ANKFN1: variants seen among roughly 807,000 people sequenced by gnomAD.
ANKFN1 encodes ankyrin repeat and fibronectin type-III domain-containing protein 1.
A neutral mutation model predicts 108.7 loss-of-function variants in ANKFN1; 74 were observed. The ratio of observed to expected loss-of-function variants is 0.68; its 90% CI spans 0.56 to 0.83. The LOEUF is 0.83. Ranked by LOEUF, ANKFN1 falls within the 40% of genes least tolerant of loss-of-function variation. The probability of loss-of-function intolerance (pLI) is 0.00; values close to 1 mark genes in which losing one functional copy is unlikely to be tolerated. For missense variants in ANKFN1, 1,505 were observed against 1,382.3 expected (o/e 1.09, Z -1.41); for synonymous variants, 547 against 516.2 (o/e 1.06, Z -0.81).
At chr17:56,227,626 T>C (rs553624072) in intron 2 of ANKFN1, among the ~76,000 whole-genome samples, 12 of 152,176 alleles carry the variant, frequency 7.9e-5, no homozygotes, top group Admixed American at 4.6e-4. Context: ...GTCTCCAAGA[T>C]TGGACCTGGG....
At chr17:56,458,053 C>T in intron 14 of ANKFN1, 74 bp downstream of exon 14, 1 of 1,256,704 alleles carries the variant, frequency 8.0e-7, no homozygotes, top group East Asian at 2.5e-5. Flanking sequence ...ACCAGTCCTA[C>T]CTAGAAAGGA....
intron 7 of ANKFN1, 131 bp downstream of exon 7, chr17:56,372,971 C>T: frequency 1.1e-6 from 1 of 922,994 alleles, no homozygotes; most frequent in Non-Finnish European, 1.6e-6. Context: ...CTGTATGGAG[C>T]AAGGGCTCTG....
intron 8 of ANKFN1, among the ~76,000 whole-genome samples, chr17:56,433,866 T>C (rs1256212930): frequency 6.6e-6 from 1 of 152,056 alleles, no homozygotes; most frequent in Non-Finnish European, 1.5e-5. Context: ...CAGAAATATT[T>C]AGTCTGCATT....
chr17:56,402,183 G>T (rs2047784118), intron 8 of ANKFN1, among the ~76,000 whole-genome samples: 1 of 152,044 alleles, frequency 6.6e-6, no homozygotes, highest in Admixed American at 6.6e-5. Context: ...TCCTGGTTTG[G>T]GTATTAGAGT....
intron 4 of ANKFN1, among the ~76,000 whole-genome samples, chr17:56,121,639 G>A (rs1269789939): frequency 6.6e-6 from 1 of 152,030 alleles, no homozygotes; most frequent in African/African-American, 2.4e-5. Flanking sequence ...AAGGGTGGGG[G>A]AGAGGTCTGA....
chr17:56,064,846 G>A (rs542591906), intron 4 of ANKFN1, among the ~76,000 whole-genome samples: 10 of 152,268 alleles, frequency 6.6e-5, no homozygotes, highest in East Asian at 5.8e-4. Context: ...GCTAGGCCCC[G>A]GTGGTGTGGA....
chr17:56,451,887 G>A (rs1225527168), intron 11 of ANKFN1, among the ~76,000 whole-genome samples: 1 of 152,066 alleles, frequency 6.6e-6, no homozygotes, highest in African/African-American at 2.4e-5. Context: ...TCCAAATATG[G>A]GAGTAATAAT....
chr17:56,144,505 T>C (rs1908138142), intron 4 of ANKFN1, among the ~76,000 whole-genome samples: 2 of 152,212 alleles, frequency 1.3e-5, no homozygotes, highest in African/African-American at 4.8e-5. Context: ...GTAGCTTGGG[T>C]ACTCTGATTT....
At chr17:56,174,570 C>T (rs1446457404) in intron 1 of ANKFN1, among the ~76,000 whole-genome samples, 3 of 152,196 alleles carry the variant, frequency 2.0e-5, no homozygotes, top group African/African-American at 4.8e-5. Flanking sequence ...TGGTTGTTTT[C>T]TGCCTATGGA....
chr17:56,303,855 T>G (rs1381297239), intron 3 of ANKFN1, among the ~76,000 whole-genome samples: 1 of 150,400 alleles, frequency 6.6e-6, no homozygotes, highest in Non-Finnish European at 1.5e-5. Context: ...GAGCCAATTT[T>G]TTTTTTTTTT....
In ANKFN1 at chr17:56,457,291, G is replaced by A; in HGVS notation, c.1342G>A (p.Asp448Asn). 6.3e-7 allele frequency: 1 copy of A among 1,599,472 alleles called. No individual in the cohort carries two copies. Among genetic ancestry groups the A allele is most frequent in the Non-Finnish European group, 8.5e-7 (1 of 1,171,316 alleles). ...CATAGCCGTTATATTTTATTACAAA[G>A]ACAATATCTTAGTCACCAATGAAGA... ...LYIAVIFYYK[D>N]NILVTNEDQV... The change falls in exon 13 of 21, where the codon GAC becomes AAC. Residue 448 changes from aspartate (D) to asparagine (N), a missense_variant. Asp to Asn is a conservative substitution (Grantham distance 23, BLOSUM62 1). Coordinates refer to ENST00000682825, the MANE Select transcript of ANKFN1 (RefSeq NM_001370326.1).
At chr17:56,112,271 G>T (rs1160532468) in intron 4 of ANKFN1, among the ~76,000 whole-genome samples, 1 of 151,986 alleles carries the variant, frequency 6.6e-6, no homozygotes, top group Non-Finnish European at 1.5e-5. Context: ...CTTACAGAAG[G>T]ATGGCCTCCC....
chr17:56,344,723 G>T (rs534982911), intron 4 of ANKFN1, among the ~76,000 whole-genome samples: 1 of 152,046 alleles, frequency 6.6e-6, no homozygotes, highest in African/African-American at 2.4e-5. Flanking sequence ...AAGTCAGAGC[G>T]AATGAAGATA....
At chr17:56,152,565 A>G (rs375261125), upstream of ANKFN1, among the ~76,000 whole-genome samples, 1 of 152,098 alleles carries the variant, frequency 6.6e-6, no homozygotes, top group Non-Finnish European at 1.5e-5. Context: ...CTGTGGGTCA[A>G]TAGGTAAGCC....
chr17:56,124,896 G>A (rs1299038832), intron 4 of ANKFN1, among the ~76,000 whole-genome samples: 1 of 152,140 alleles, frequency 6.6e-6, no homozygotes, highest in Non-Finnish European at 1.5e-5. Flanking sequence ...CTCCTGACAT[G>A]CCTAATGGCA....
At chr17:56,288,483 T>C (rs1453708597) in intron 3 of ANKFN1, among the ~76,000 whole-genome samples, 1 of 152,194 alleles carries the variant, frequency 6.6e-6, no homozygotes, top group Non-Finnish European at 1.5e-5. Context: ...TTTGCTTATT[T>C]AAATAATTAT....
At chr17:56,054,212 C>T (rs1904826314) in intron 4 of ANKFN1, among the ~76,000 whole-genome samples, 1 of 152,158 alleles carries the variant, frequency 6.6e-6, no homozygotes, top group Non-Finnish European at 1.5e-5. Flanking sequence ...CCAGCAATCC[C>T]ACTACTGGGT....
chr17:56,398,560 T>A (rs2047656534), intron 8 of ANKFN1, among the ~76,000 whole-genome samples: 1 of 152,166 alleles, frequency 6.6e-6, no homozygotes, highest in Non-Finnish European at 1.5e-5. Flanking sequence ...TCTTCCTCAA[T>A]CCAAAAGTTA....
In ANKFN1 at chr17:56,363,679, A is replaced by G. The variant is rs376186386; in HGVS notation, c.602-8967A>G. Among the ~76,000 whole-genome samples the G allele has an allele frequency of 7.9e-5, 12 of 152,328 alleles. No individual in the cohort carries two copies. The East Asian group carries it at 2.1e-3, about 27-fold the overall frequency. On this transcript the variant is annotated intron_variant, in intron 6 of 20. Transcript: ENST00000682825. ...AGTTATGAAATTAACCTAAGTATCA[A>G]TTAACAGATGAGTGGATTTTTAAAA...
Sources: allele counts gnomAD v4.1 joint callset (sites outside exome capture counted in the v4.1 genomes callset), GRCh38; gene constraint gnomAD v4.1.1; transcripts MANE v1.5; gene names NCBI Gene and HGNC (gene_info 2026-07-23, HGNC 2026-07-21).